MINDY2: variants seen among roughly 807,000 people sequenced by gnomAD.
MINDY2 encodes the protein MINDY lysine 48 deubiquitinase 2.
MINDY2 carries 52 observed loss-of-function variants against 68.2 expected under a neutral mutation model. The ratio of observed to expected loss-of-function variants is 0.76; its 90% CI spans 0.61 to 0.96. The LOEUF (loss-of-function observed/expected upper bound fraction) is 0.96. Among genes scored for constraint, MINDY2 ranks in the 40% least tolerant of loss-of-function variants. The pLI is 0.00. For synonymous variants in MINDY2, 372 were observed against 303.0 expected (o/e 1.23, Z -2.36); for missense variants, 881 against 773.4 (o/e 1.14, Z -1.65).
intron 8 of MINDY2, 104 bp from the exon 9 acceptor site, chr15:58,854,378 C>A: frequency 7.7e-7 from 1 of 1,305,196 alleles, no homozygotes; most frequent in Non-Finnish European, 1.0e-6. Context: ...GCTTCTTTTT[C>A]CATCAGTGAT....
intron 1 of MINDY2, among the ~76,000 whole-genome samples, chr15:58,776,351 C>G (rs1900771615): frequency 6.6e-6 from 1 of 151,920 alleles, no homozygotes; most frequent in African/African-American, 2.4e-5. Context: ...CTCCAGGAGA[C>G]AGAGAGAAAA....
At chr15:58,792,773 A>G (rs529975865) in intron 2 of MINDY2, among the ~76,000 whole-genome samples, 1 of 152,328 alleles carries the variant, frequency 6.6e-6, no homozygotes, top group South Asian at 2.1e-4. Context: ...TATAACATGG[A>G]TGAACCCTGA....
rs765384856 is a variant in MINDY2 at position 58,810,242 on chromosome 15, G to A, written c.976G>A (p.Ala326Thr). 3.7e-6 allele frequency: 6 copies of A among 1,607,822 alleles called. No individual in the cohort carries two copies. Among genetic ancestry groups the A allele is most frequent in the Non-Finnish European group, 5.1e-6 (6 of 1,178,354 alleles). ...RLNYEQNMSD[A>T]MAILHKLQTG... The stretch of plus-strand genomic sequence containing the variant: ...TTTCTATTTTCAGAATATGAGTGAT[G>A]CCATGGCAATTTTGCACAAACTACA... Residue 326 changes from alanine (A) to threonine (T), a missense_variant, in exon 4 of 9, where the codon GCC becomes ACC. Transcript: ENST00000559228.
intron 2 of MINDY2, among the ~76,000 whole-genome samples, chr15:58,791,227 A>ATATATATG (rs1901882495): frequency 4.4e-5 from 1 of 22,692 alleles, no homozygotes; most frequent in African/African-American, 7.5e-4. Context: ...ATATATATAT[A>ATATATATG]TATATATATA....
rs1327748864 is a variant in MINDY2, at chr15:58,771,529, C to T, written c.134C>T (p.Ala45Val). 2 of 1,611,662 alleles carry T rather than the reference C, an allele frequency of 1.2e-6. No individual in the cohort carries two copies. Among genetic ancestry groups the T allele is most frequent in the South Asian group, 2.2e-5 (2 of 91,026 alleles). Reference protein sequence around the residue: ...LAAGDGPGVWAAETSGGNGLG... With the variant: ...LAAGDGPGVWVAETSGGNGLG... ...GCTGGTGATGGTCCTGGGGTATGGG[C>T]GGCGGAGACCAGCGGCGGGAATGGG... Residue 45 changes from alanine to valine, a missense_variant, in exon 1 of 9, where the codon GCG (alanine) becomes GTG (valine). Ala to Val is a moderately conservative substitution (Grantham distance 64). Coordinates refer to ENST00000559228, the MANE Select transcript of MINDY2 (RefSeq NM_001040450.3).
intron 8 of MINDY2, among the ~76,000 whole-genome samples, chr15:58,854,278 C>A (rs2032973920): frequency 6.6e-6 from 1 of 151,756 alleles, no homozygotes; most frequent in Admixed American, 6.6e-5. Flanking sequence ...TTTATTTATT[C>A]AGAATAATGA....
chr15:58,795,057 T>A (rs1257380797), intron 2 of MINDY2, among the ~76,000 whole-genome samples: 4 of 151,848 alleles, frequency 2.6e-5, no homozygotes, highest in Non-Finnish European at 5.9e-5. Context: ...GCGCCTGTAG[T>A]CCCAGCTGCT....
intron 1 of MINDY2, among the ~76,000 whole-genome samples, 170 bp from the exon 2 acceptor site, chr15:58,787,736 C>CAA (rs5812951): frequency 1.6e-4 from 15 of 92,810 alleles, no homozygotes; most frequent in Non-Finnish European, 2.3e-4. Flanking sequence ...GAGTCCGTCT[C>CAA]AAAAAAAAAA....
chr15:58,808,016 A>C (rs2029932252), intron 3 of MINDY2, among the ~76,000 whole-genome samples: 20 of 137,528 alleles, frequency 1.5e-4, no homozygotes, highest in African/African-American at 2.5e-4. Flanking sequence ...TACACTCCCC[A>C]CTCCCCTCCC....
At position 58,789,709 on chromosome 15, in the gene MINDY2, G is replaced by A. The variant is rs573133394; in HGVS notation, c.898+1746G>A. 1.1e-4 allele frequency among the ~76,000 whole-genome samples: 16 copies of A among 152,072 alleles called. No homozygotes were observed. The East Asian group carries it at 2.5e-3, about 24-fold the overall frequency. On this transcript the variant is annotated intron_variant, in intron 2 of 8. Transcript: ENST00000559228. ...GTTTCTCAGGCTGGAGTGCAATGGC[G>A]TGATCTCAGCTCACCGCAACCTCCA...
At chr15:58,828,053 T>C (rs2031508751) in intron 5 of MINDY2, among the ~76,000 whole-genome samples, 1 of 151,514 alleles carries the variant, frequency 6.6e-6, no homozygotes. Context: ...GCCAACATGG[T>C]GAGACCCTGT....
intron 1 of MINDY2, among the ~76,000 whole-genome samples, chr15:58,785,835 C>T (rs1275725521): frequency 2.0e-5 from 3 of 152,100 alleles, no homozygotes; most frequent in Non-Finnish European, 4.4e-5. Flanking sequence ...CGCCACCACA[C>T]CTGGCTAATT....
chr15:58,778,401 G>A (rs1900908954), intron 1 of MINDY2, among the ~76,000 whole-genome samples: 1 of 151,914 alleles, frequency 6.6e-6, no homozygotes. Flanking sequence ...GTCATGGGAG[G>A]AATGCCAGGG....
chr15:58,851,083 C>T (rs2032787601), intron 7 of MINDY2, among the ~76,000 whole-genome samples: 1 of 152,070 alleles, frequency 6.6e-6, no homozygotes. Flanking sequence ...AAGTGATTTT[C>T]CTGCCTTAGC....
In MINDY2 at chr15:58,771,442, C is replaced by T; in HGVS notation, c.47C>T (p.Ala16Val). The change falls in exon 1 of 9, where the codon GCG (alanine) becomes GTG (valine). Residue 16 changes from alanine (A) to valine (V), a missense_variant. By Grantham distance (64) the Ala-to-Val change is moderately conservative (BLOSUM62 0). Coordinates refer to ENST00000559228, the MANE Select transcript of MINDY2 (RefSeq NM_001040450.3). ...CTGCAGCCGCTAGAACACGGGGTGG[C>T]GGCCGGGCCAGCGTCAGGGACAGGT... ...ESLQPLEHGV[A>V]AGPASGTGSS... 1 of 1,612,206 alleles carries T rather than the reference C, an allele frequency of 6.2e-7. No individual in the cohort carries two copies. The highest frequency in any genetic ancestry group is 8.5e-7 in the Non-Finnish European group (1 of 1,179,708).
At chr15:58,780,801 G>A (rs1171961990) in intron 1 of MINDY2, among the ~76,000 whole-genome samples, 2 of 151,994 alleles carry the variant, frequency 1.3e-5, no homozygotes, top group Non-Finnish European at 2.9e-5. Flanking sequence ...ATATATTCTT[G>A]GATTTTTTCA....
At chr15:58,825,575 C>CTGTT (rs374662199) in intron 5 of MINDY2, among the ~76,000 whole-genome samples, 1 of 151,652 alleles carries the variant, frequency 6.6e-6, no homozygotes, top group African/African-American at 2.4e-5. Flanking sequence ...TCTTTTTTGT[C>CTGTT]TGTTTGTTTG....
intron 2 of MINDY2, among the ~76,000 whole-genome samples, chr15:58,797,416 C>T (rs1173918582): frequency 1.3e-5 from 2 of 152,086 alleles, no homozygotes; most frequent in African/African-American, 2.4e-5. Context: ...GTTAAGGCAG[C>T]AGGATCACTT....
At chr15:58,854,316 C>T (rs2032974907) in intron 8 of MINDY2, among the ~76,000 whole-genome samples, 166 bp from the exon 9 acceptor site, 1 of 151,910 alleles carries the variant, frequency 6.6e-6, no homozygotes, top group African/African-American at 2.4e-5. Flanking sequence ...AGAATGGTAG[C>T]GGTAATGGCT....
Sources: gnomAD v4.1 joint callset for allele counts (sites outside exome capture counted in the v4.1 genomes callset) on GRCh38, gnomAD v4.1.1 for gene constraint, MANE v1.5 for transcripts, NCBI Gene and HGNC (gene_info 2026-07-23, HGNC 2026-07-21) for gene names.